SUZ12: variants seen among roughly 807,000 people sequenced by gnomAD.
SUZ12 encodes polycomb protein SUZ12.
Under a neutral mutation model 87.3 loss-of-function variants are expected in SUZ12, and 17 were observed. The ratio of observed to expected loss-of-function variants is 0.19; its 90% CI spans 0.13 to 0.29. The LOEUF (loss-of-function observed/expected upper bound fraction) is 0.29, where lower values mean the gene tolerates loss of function less well. Ranked by LOEUF, SUZ12 falls within the 10% of genes least tolerant of loss-of-function variation. SUZ12 has a pLI of 1.00. For synonymous variants in SUZ12, 253 were observed against 312.4 expected, an observed-to-expected ratio of 0.81 and a Z score of 2.01; for missense variants, 526 against 912.2, an observed-to-expected ratio of 0.58 and a Z score of 5.45.
At chr17:31,979,221 CATTT>C (rs890133152) in intron 8 of SUZ12, among the ~76,000 whole-genome samples, 1 of 151,484 alleles carries the variant, frequency 6.6e-6, no homozygotes, top group African/African-American at 2.4e-5. Context: ...CATTTTGCCA[CATTT>C]GATTTATTTA....
chr17:31,937,119 C>T lies in SUZ12; in HGVS notation c.-128C>T. ...CTCCTCCTCCCTTCCCTTCCCCTCT[C>T]CTCCCCTCTCTCCTCCTTCCCCCCT... On this transcript the variant is annotated 5_prime_UTR_variant, in exon 1 of 16. Transcript: ENST00000322652. 2 of 781,856 alleles carry T rather than the reference C, an allele frequency of 2.6e-6. No individual in the cohort carries two copies. The highest frequency in any genetic ancestry group is 3.6e-6 in the Non-Finnish European group (2 of 549,744). 48.4% of individuals were successfully genotyped at this position (781,856 alleles called of 1,614,324 possible).
At chr17:31,994,276 A>G (rs1430943281) in intron 12 of SUZ12, 8 of 441,876 alleles carry the variant, frequency 1.8e-5, no homozygotes, top group Non-Finnish European at 2.8e-5. Context: ...TAGTGTCTCT[A>G]ATTGACTCAC....
rs936224558 is a variant in SUZ12 at position 31,999,742 on chromosome 17, ATGTT to A, written c.*741_*744del. On this transcript the variant is annotated 3_prime_UTR_variant, in exon 16 of 16. Transcript: ENST00000322652. ...AATTTTAGTGCATTGCTCACCCGGT[ATGTT>A]TTTTTTTTTTAACTTGAACATTTTG... The A allele has an allele frequency of 2.6e-5, 6 of 229,558 alleles. No homozygotes were observed. The Admixed American group carries it at 2.8e-4, about 11-fold the overall frequency. The allele number at this position is 229,558 out of a possible 1,614,324, so 14.2% of individuals were successfully genotyped here. A position where few individuals can be genotyped will look rare whatever the true frequency, so the allele number is the denominator to read the frequency against.
In SUZ12 at chr17:31,957,895, CTTTTTTTTTTT is replaced by C. The variant is rs1181314058; in HGVS notation, c.456-8237_456-8227del. 5.5e-5 allele frequency among the ~76,000 whole-genome samples: 5 copies of C among 91,332 alleles called. No individual in the cohort carries two copies. In the East Asian group the frequency reaches 1.1e-3, roughly 20 times the overall value. 59.9% of individuals were successfully genotyped at this position (91,332 alleles called of 152,430 possible). A position where few individuals can be genotyped will look rare whatever the true frequency, so the allele number is the denominator to read the frequency against. On this transcript the variant is annotated intron_variant, in intron 4 of 15. Transcript: ENST00000322652. ...ACCTGGCCCTGGCTCACCTTTTGTC[CTTTTTTTTTTT>C]TTTTTTTTTTTTTTGAGACAGAGTC...
At chr17:31,979,359 T>G (rs1441180513) in intron 8 of SUZ12, among the ~76,000 whole-genome samples, 1 of 152,184 alleles carries the variant, frequency 6.6e-6, no homozygotes, top group East Asian at 1.9e-4. Flanking sequence ...CGTACCCTTA[T>G]GAGGAAAATT....
intron 6 of SUZ12, among the ~76,000 whole-genome samples, chr17:31,974,451 C>T (rs1186353514): frequency 3.3e-5 from 5 of 152,092 alleles, no homozygotes; most frequent in African/African-American, 1.2e-4. Context: ...GGTATGAACC[C>T]GGGAGGCGGA....
chr17:31,937,077 C>T lies in SUZ12; in HGVS notation c.-170C>T. On this transcript the variant is annotated 5_prime_UTR_variant, in exon 1 of 16. Coordinates refer to ENST00000322652, the MANE Select transcript of SUZ12 (RefSeq NM_015355.4). ...GCTCTGAGGAGACACTTTTTTTTTC[C>T]TCCCTCCTTCCCTCCTCTCCTCCTC... 2 of 545,712 alleles carry T rather than the reference C, an allele frequency of 3.7e-6. No homozygotes were observed. Among genetic ancestry groups the T allele is most frequent in the East Asian group, 3.5e-5 (1 of 28,340 alleles). The allele number at this position is 545,712 out of a possible 1,614,324, so 33.8% of individuals were successfully genotyped here.
intron 3 of SUZ12, among the ~76,000 whole-genome samples, chr17:31,946,058 A>C (rs1906617583): frequency 6.6e-6 from 1 of 152,106 alleles, no homozygotes; most frequent in Non-Finnish European, 1.5e-5. Flanking sequence ...TTAATATTGA[A>C]GTTTTCAGTA....
At chr17:31,978,591 T>C (rs576129595) in intron 8 of SUZ12, among the ~76,000 whole-genome samples, 4 of 152,196 alleles carry the variant, frequency 2.6e-5, no homozygotes, top group African/African-American at 9.6e-5. Context: ...TAGAAAATAG[T>C]GGTCATGTCT....
At chr17:31,990,121 A>ATTTTTTTTTTTTTTTTTTTT (rs59793925) in intron 10 of SUZ12, among the ~76,000 whole-genome samples, 5 of 99,840 alleles carry the variant, frequency 5.0e-5, no homozygotes, top group African/African-American at 1.8e-4. Context: ...TGCCCGGCTA[A>ATTTTTTTTTTTTTTTTTTTT]TTTTTTTTTT....
rs1363203517 is a variant in SUZ12 at position 31,995,731 on chromosome 17, A to T, written c.1763A>T (p.Asp588Val). 6.2e-7 allele frequency: 1 copy of T among 1,613,796 alleles called. No homozygotes were observed. The highest frequency in any genetic ancestry group is 8.5e-7 in the Non-Finnish European group (1 of 1,179,786). Residue 588 changes from aspartate to valine, a missense_variant, in exon 14 of 16, where the codon GAT (aspartate) becomes GTT (valine). Asp to Val is a radical substitution (Grantham distance 152). Around this residue, in one of 9 missense-constraint regions of SUZ12, gnomAD observed 143 missense variants for 321.6 expected, o/e 0.44. Transcript: ENST00000322652. ...EMEVDSEDEK[D>V]PEWLREKTIT... is the part of the protein sequence containing the mutation. ...GAAGTAGATAGTGAAGATGAAAAGGATCCTGAATGGCTAAGAGAAAAAACC... is the reference window on the plus strand; with the variant it reads ...GAAGTAGATAGTGAAGATGAAAAGGTTCCTGAATGGCTAAGAGAAAAAACC...
chr17:31,990,850 C>T (rs1172086809), intron 10 of SUZ12, among the ~76,000 whole-genome samples: 1 of 152,072 alleles, frequency 6.6e-6, no homozygotes, highest in Non-Finnish European at 1.5e-5. Flanking sequence ...CAGGCTCAAG[C>T]GATCCTCCCA....
intron 13 of SUZ12, among the ~76,000 whole-genome samples, 162 bp from the exon 14 acceptor site, chr17:31,995,402 A>C (rs938543908): frequency 2.6e-5 from 4 of 152,232 alleles, no homozygotes; most frequent in African/African-American, 9.7e-5. Context: ...ATTATGTACC[A>C]AAAGAAAATA....
chr17:31,943,547 A>T (rs1906430778), intron 3 of SUZ12, among the ~76,000 whole-genome samples: 1 of 152,170 alleles, frequency 6.6e-6, no homozygotes, highest in South Asian at 2.1e-4. Context: ...TTCTGTAATC[A>T]AATCGATTGC....
chr17:31,961,621 A>G (rs1037113559), intron 4 of SUZ12, among the ~76,000 whole-genome samples: 2 of 152,194 alleles, frequency 1.3e-5, no homozygotes, highest in African/African-American at 4.8e-5. Context: ...AACTGTCTCA[A>G]ATCACCTGTG....
At position 31,994,556 on chromosome 17, in the gene SUZ12, T is replaced by C. The variant is rs1381163041; in HGVS notation, c.1438-8T>C. On this transcript the variant is annotated splice_polypyrimidine_tract_variant and splice_region_variant and intron_variant, in intron 12 of 15. Transcript: ENST00000322652. ...TAATATATTTTTTTTTTTACATTTT[T>C]GTTGCAGTATCATCCAAAAGGTGCT... 6.3e-7 allele frequency: 1 copy of C among 1,577,398 alleles called. No homozygotes were observed.
rs368699198 is a variant in SUZ12 at position 31,961,522 on chromosome 17, C to T, written c.456-4625C>T. Among the ~76,000 whole-genome samples, 35 of 152,196 alleles carry T rather than the reference C, an allele frequency of 2.3e-4. No homozygotes were observed. The South Asian group carries it at 6.4e-3, about 28-fold the overall frequency. ...TCGCACCACTGCACTCCAGCCTGGG[C>T]TACAGTAAGACTCCGTCTCAAAAAC... On this transcript the variant is annotated intron_variant, in intron 4 of 15. Transcript: ENST00000322652.
chr17:31,944,596 C>T (rs193263802), intron 3 of SUZ12, among the ~76,000 whole-genome samples: 202 of 151,584 alleles, frequency 1.3e-3, no homozygotes, highest in African/African-American at 4.8e-3. Context: ...AAAAAAAAGT[C>T]TGGGGAATTT....
chr17:31,964,672 A>G (rs1405765492), intron 4 of SUZ12, among the ~76,000 whole-genome samples: 1 of 152,160 alleles, frequency 6.6e-6, no homozygotes, highest in African/African-American at 2.4e-5. Flanking sequence ...CCAAAGTGCC[A>G]GGATTACAGA....
Sources: allele counts gnomAD v4.1 joint callset (sites outside exome capture counted in the v4.1 genomes callset), GRCh38; gene constraint gnomAD v4.1.1; regional missense constraint gnomAD v4.1.1; transcripts MANE v1.5; gene names NCBI Gene and HGNC (gene_info 2026-07-23, HGNC 2026-07-21).